Variants in EXOC3 observed in about 807,000 individuals in gnomAD.
EXOC3 encodes the protein SEC6-like 1.
A neutral mutation model predicts 73.7 loss-of-function variants in EXOC3; 21 were observed. That is an observed-to-expected ratio of 0.29 (90% CI 0.20 to 0.41). The LOEUF (loss-of-function observed/expected upper bound fraction) is 0.41, where lower values mean the gene tolerates loss of function less well. Among genes scored for constraint, EXOC3 ranks in the 10% least tolerant of loss-of-function variants. EXOC3 has a pLI of 1.00. For missense variants in EXOC3, 842 were observed against 985.1 expected (o/e 0.85, Z 1.95); for synonymous variants, 410 against 389.1 (o/e 1.05, Z -0.63).
chr5:454,191 A>AG, intron 4 of EXOC3, 140 bp downstream of exon 4: 1 of 675,496 alleles, frequency 1.5e-6, no homozygotes, highest in East Asian at 2.7e-5. Context: ...TTTCCAGCCC[A>AG]GGGGTGTCTT....
At chr5:454,384 G>A (rs1737743217) in intron 4 of EXOC3, among the ~76,000 whole-genome samples, 1 of 152,376 alleles carries the variant, frequency 6.6e-6, no homozygotes, top group Admixed American at 6.5e-5. Flanking sequence ...TGAGGCAGGT[G>A]TGTTGTTACC....
intron 5 of EXOC3, chr5:457,386 A>G (rs1737854885): frequency 3.6e-6 from 1 of 274,906 alleles, no homozygotes; most frequent in Non-Finnish European, 7.1e-6. Context: ...GGTGACCACC[A>G]GGTGGTCTCA....
chr5:462,623 C>T (rs927795294), intron 9 of EXOC3: 12 of 336,954 alleles, frequency 3.6e-5, no homozygotes, highest in African/African-American at 2.3e-4. Flanking sequence ...AGTGCACACA[C>T]ACACACATCC....
Position 465,181 on chromosome 5 carries a change from C to T in EXOC3, c.1847C>T (p.Ser616Phe). 1.3e-6 allele frequency: 2 copies of T among 1,596,334 alleles called. No individual in the cohort carries two copies. The highest frequency in any genetic ancestry group is 1.7e-4 in the Middle Eastern group (1 of 5,876). The change falls in exon 11 of 13, where the codon TCC (serine) becomes TTC (phenylalanine). Residue 616 changes from serine (S) to phenylalanine (F), a missense_variant. Coordinates refer to ENST00000512944, the MANE Select transcript of EXOC3 (RefSeq NM_007277.5). Reference protein sequence around the residue: ...YLRAVMQKRISFRSPEERKEG... With the variant: ...YLRAVMQKRIFFRSPEERKEG... ...CGGGCGGTCATGCAGAAGCGCATTT[C>T]CTTCCGGAGCCCGGAGGAGCGCAAG...
At position 461,988 on chromosome 5, in the gene EXOC3, G is replaced by C; in HGVS notation, c.1420G>C (p.Glu474Gln). The change falls in exon 8 of 13, where the codon GAA becomes CAA. Residue 474 changes from glutamate (E) to glutamine (Q), a missense_variant. Physicochemically the swap from Glu to Gln is conservative, Grantham distance 29 (BLOSUM62 2). Transcript: ENST00000512944. ...TAAAGATGAAGCGCAGCTGTATAAA[G>C]AAGAGCACCTGAGGAATCGGCAGCA... The part of the protein sequence containing the change: ...RYKDEAQLYK[E>Q]EHLRNRQHPH... The C allele has an allele frequency of 6.2e-7, 1 of 1,601,064 alleles. No individual in the cohort carries two copies. The highest frequency in any genetic ancestry group is 8.5e-7 in the Non-Finnish European group (1 of 1,173,594).
At chr5:448,070 A>G (rs562083369) in intron 3 of EXOC3, among the ~76,000 whole-genome samples, 217 of 152,312 alleles carry the variant, frequency 1.4e-3, no homozygotes, top group Non-Finnish European at 1.9e-3. Flanking sequence ...CTGTGAGTGC[A>G]GAAGAATGAA....
chr5:450,694 T>C (rs1436085553), intron 3 of EXOC3, among the ~76,000 whole-genome samples: 3 of 152,236 alleles, frequency 2.0e-5, no homozygotes, highest in African/African-American at 4.8e-5. Flanking sequence ...TTGCTTCATG[T>C]ATTTTGACGG....
chr5:459,681 T>A (rs1737925992), intron 7 of EXOC3: 2 of 414,058 alleles, frequency 4.8e-6, no homozygotes, highest in South Asian at 8.2e-5. Flanking sequence ...CCAGAGCTGA[T>A]GTGTTGTGAC....
intron 11 of EXOC3, 71 bp from the exon 12 acceptor site, chr5:465,647 G>A: frequency 6.3e-7 from 1 of 1,593,512 alleles, no homozygotes; most frequent in Non-Finnish European, 8.6e-7. Flanking sequence ...AAGGGGCTCA[G>A]CCAGAATCCA....
chr5:449,282 TTTC>T (rs1366370278), intron 3 of EXOC3, among the ~76,000 whole-genome samples: 1 of 152,244 alleles, frequency 6.6e-6, no homozygotes, highest in African/African-American at 2.4e-5. Context: ...TCCCCCATTT[TTTC>T]TTCTTCTAAA....
At position 462,362 on chromosome 5, in the gene EXOC3, C is replaced by T. The variant is rs564075623; in HGVS notation, c.1653+55C>T. On this transcript the variant is annotated intron_variant, in intron 9 of 12. Coordinates refer to ENST00000512944, the MANE Select transcript of EXOC3 (RefSeq NM_007277.5). The stretch of plus-strand genomic sequence containing the variant: ...TCTGGGCCGAAGCCCAGTGCTTCCT[C>T]ACTGCCCTCTGGGACACAGGCTGTG... The T allele has an allele frequency of 6.3e-6, 10 of 1,593,110 alleles. No homozygotes were observed. In the African/African-American group the frequency reaches 1.1e-4, roughly 17 times the overall value.
intron 7 of EXOC3, among the ~76,000 whole-genome samples, chr5:461,332 C>T (rs758596567): frequency 4.6e-5 from 7 of 152,100 alleles, no homozygotes; most frequent in Admixed American, 2.0e-4. Flanking sequence ...GAAACAAGGT[C>T]GGTCAGGCAC....
chr5:465,273 G>C lies in EXOC3; in HGVS notation c.1938+1G>C. On this transcript the variant is annotated splice_donor_variant, in intron 11 of 12. Transcript: ENST00000512944. LOFTEE classifies it high-confidence loss of function. Reference sequence around the variant, plus strand: ...CTTCCTGTTCCGGAAGCTGGCGTCCGTGAGTGTCGCGCAGGTCCGGGCTGG... The same window carrying C: ...CTTCCTGTTCCGGAAGCTGGCGTCCCTGAGTGTCGCGCAGGTCCGGGCTGG... 6.3e-7 allele frequency: 1 copy of C among 1,577,944 alleles called. No homozygotes were observed. Among genetic ancestry groups the C allele is most frequent in the Non-Finnish European group, 8.6e-7 (1 of 1,162,672 alleles).
chr5:464,191 C>T (rs1449852258), intron 9 of EXOC3, 99 bp from the exon 10 acceptor site: 11 of 1,186,092 alleles, frequency 9.3e-6, no homozygotes, highest in Admixed American at 2.0e-5. Context: ...ACGCAGCTCT[C>T]GTGGGGCGTT....
At chr5:463,648 C>T (rs572555990) in intron 9 of EXOC3, among the ~76,000 whole-genome samples, 73 of 152,198 alleles carry the variant, frequency 4.8e-4, no homozygotes, top group African/African-American at 1.7e-3. Context: ...TTGTACACTT[C>T]TATTGGAGTT....
At chr5:451,096 T>C (rs936446077) in intron 3 of EXOC3, among the ~76,000 whole-genome samples, 1 of 152,240 alleles carries the variant, frequency 6.6e-6, no homozygotes, top group Non-Finnish European at 1.5e-5. Flanking sequence ...GCTGTTTGTT[T>C]TCTATATGCG....
chr5:457,824 T>C, intron 5 of EXOC3, 76 bp from the exon 6 acceptor site: 1 of 1,481,222 alleles, frequency 6.8e-7, no homozygotes, highest in Non-Finnish European at 9.1e-7. Flanking sequence ...TGCATGCAAC[T>C]GACCAGGTAA....
intron 3 of EXOC3, among the ~76,000 whole-genome samples, chr5:453,064 G>T (rs1287609660): frequency 1.3e-5 from 2 of 152,220 alleles, no homozygotes; most frequent in Non-Finnish European, 2.9e-5. Context: ...GCTGCAGGCT[G>T]TGTGCAGGCA....
At chr5:450,033 G>A (rs1737610578) in intron 3 of EXOC3, among the ~76,000 whole-genome samples, 1 of 152,178 alleles carries the variant, frequency 6.6e-6, no homozygotes, top group Non-Finnish European at 1.5e-5. Context: ...ATCACCTGAG[G>A]TCAGGAGTTT....
Sources: gnomAD v4.1 joint callset for allele counts (sites outside exome capture counted in the v4.1 genomes callset) on GRCh38, gnomAD v4.1.1 for gene constraint, MANE v1.5 for transcripts, NCBI Gene and HGNC (gene_info 2026-07-23, HGNC 2026-07-21) for gene names.